The following EIF4B variants were observed in gnomAD, a reference collection of about 807,000 sequenced individuals.
EIF4B encodes the protein eukaryotic translation initiation factor 4B.
A neutral mutation model predicts 79.3 loss-of-function variants in EIF4B; 8 were observed. The ratio of observed to expected loss-of-function variants is 0.10; its 90% CI spans 0.06 to 0.18. The LOEUF (loss-of-function observed/expected upper bound fraction) is 0.18, where lower values mean the gene tolerates loss of function less well. EIF4B is among the 10% of genes least tolerant of loss of function. The pLI is 1.00. For synonymous variants in EIF4B, 238 were observed against 274.7 expected (o/e 0.87, Z 1.32); for missense variants, 515 against 792.4 (o/e 0.65, Z 4.20).
chr12:53,027,961 C>A (rs61927959), intron 7 of EIF4B, 42 bp downstream of exon 7: 1 of 1,499,310 alleles, frequency 6.7e-7, no homozygotes, highest in Admixed American at 2.2e-5. Context: ...AGTAACTTTG[C>A]CTTTTTTTTT....
At chr12:53,013,439 A>G (rs2120893512) in intron 1 of EIF4B, 1 of 152,206 alleles carries the variant, frequency 6.6e-6, no homozygotes, top group East Asian at 1.9e-4. Context: ...CACGCACTGT[A>G]AGTGGTTTAC....
intron 2 of EIF4B, among the ~76,000 whole-genome samples, chr12:53,017,785 G>T (rs1470669554): frequency 6.6e-6 from 1 of 152,184 alleles, no homozygotes; most frequent in Admixed American, 6.5e-5. Context: ...TAGAATCAGG[G>T]TTTTACCATT....
intron 8 of EIF4B, among the ~76,000 whole-genome samples, chr12:53,030,410 A>ATTTTTTTTTTTT (rs1555153412): frequency 5.0e-4 from 17 of 34,186 alleles, no homozygotes; most frequent in Admixed American, 1.0e-3. Context: ...AAAAAATTAT[A>ATTTTTTTTTTTT]TTCTTTTTTT....
chr12:53,030,413 CTTTTTTT>C (rs759061266), intron 8 of EIF4B, among the ~76,000 whole-genome samples: 29 of 43,098 alleles, frequency 6.7e-4, no homozygotes, highest in Admixed American at 2.7e-3. Context: ...AAATTATATT[CTTTTTTT>C]TTTTTTTTTT....
At chr12:53,028,471 T>G (rs1407692432) in intron 8 of EIF4B, among the ~76,000 whole-genome samples, 1 of 147,642 alleles carries the variant, frequency 6.8e-6, no homozygotes, top group Non-Finnish European at 1.5e-5. Context: ...AGAAGAATGG[T>G]GGGAACCCGG....
intron 10 of EIF4B, 52 bp downstream of exon 10, chr12:53,034,761 C>G: frequency 2.5e-6 from 4 of 1,597,268 alleles, no homozygotes; most frequent in Non-Finnish European, 2.6e-6. Context: ...CATAAACTAT[C>G]CATAACCAAA....
intron 2 of EIF4B, among the ~76,000 whole-genome samples, chr12:53,018,101 C>T (rs916086164): frequency 6.6e-6 from 1 of 152,230 alleles, no homozygotes; most frequent in African/African-American, 2.4e-5. Flanking sequence ...ATAGATTGTC[C>T]TGTCTCAGCC....
intron 3 of EIF4B, 144 bp downstream of exon 3, chr12:53,019,150 G>GAGTGCTGGGATTA: frequency 1.9e-6 from 2 of 1,041,606 alleles, no homozygotes; most frequent in Non-Finnish European, 2.7e-6. Flanking sequence ...TGTAATCCCA[G>GAGTGCTGGGATTA]CACTCTGGGA....
intron 14 of EIF4B, chr12:53,039,935 G>A (rs1041833998): frequency 4.2e-6 from 3 of 707,084 alleles, no homozygotes; most frequent in East Asian, 2.7e-5. Context: ...CTTCTGCAAG[G>A]TGTAGAGGTG....
chr12:53,019,348 G>A (rs897638132), intron 3 of EIF4B, among the ~76,000 whole-genome samples: 3 of 150,908 alleles, frequency 2.0e-5, no homozygotes, highest in South Asian at 2.1e-4. Flanking sequence ...GTGGTGAGCC[G>A]AGATTGCGCC....
At chr12:53,014,258 A>C (rs1943112926) in intron 1 of EIF4B, among the ~76,000 whole-genome samples, 1 of 152,054 alleles carries the variant, frequency 6.6e-6, no homozygotes, top group Non-Finnish European at 1.5e-5. Flanking sequence ...AAAAAAAAAA[A>C]AAAATTAGCC....
Position 53,039,622 on chromosome 12 carries a change from C to T in EIF4B, c.1683-8C>T. The T allele has an allele frequency of 6.2e-7, 1 of 1,613,658 alleles. No individual in the cohort carries two copies. Among genetic ancestry groups the T allele is most frequent in the East Asian group, 2.2e-5 (1 of 44,872 alleles). On this transcript the variant is annotated splice_polypyrimidine_tract_variant and splice_region_variant and intron_variant, in intron 13 of 14. Transcript: ENST00000262056. ...TAAAGACATGGTTTTATGCTTACGT[C>T]TCTGCAGGAAAGATGGCAAAAAGGA...
At chr12:53,037,337 A>G in intron 10 of EIF4B, 72 bp from the exon 11 acceptor site, 1 of 1,516,090 alleles carries the variant, frequency 6.6e-7, no homozygotes, top group Admixed American at 2.0e-5. Flanking sequence ...CATTTTCCAC[A>G]CTGTTGAGAT....
chr12:53,039,772 A>C (rs1447559963), intron 14 of EIF4B, 70 bp downstream of exon 14: 1 of 1,490,722 alleles, frequency 6.7e-7, no homozygotes, highest in Admixed American at 2.3e-5. Context: ...TATTCTTACT[A>C]AGAATTAAAA....
At chr12:53,034,850 T>A in intron 10 of EIF4B, 141 bp downstream of exon 10, 3 of 834,710 alleles carry the variant, frequency 3.6e-6, no homozygotes, top group Non-Finnish European at 5.8e-6. Context: ...GAGTTTCATA[T>A]CTTCTGCTCC....
intron 2 of EIF4B, among the ~76,000 whole-genome samples, chr12:53,017,714 C>T (rs1233418864): frequency 1.3e-5 from 2 of 152,124 alleles, no homozygotes; most frequent in African/African-American, 4.8e-5. Flanking sequence ...CTGCCTCAGC[C>T]GCCTGAGTAG....
intron 10 of EIF4B, among the ~76,000 whole-genome samples, chr12:53,035,337 C>T (rs1168827345): frequency 6.6e-6 from 1 of 151,700 alleles, no homozygotes; most frequent in Non-Finnish European, 1.5e-5. Context: ...TGTAGGCATG[C>T]ACCACTACAC....
Position 53,040,487 on chromosome 12 carries a change from C to T in EIF4B, c.*264C>T, listed in dbSNP as rs1433326398. 2.8e-6 allele frequency: 1 copy of T among 357,670 alleles called. No individual in the cohort carries two copies. Among genetic ancestry groups the T allele is most frequent in the East Asian group, 5.5e-5 (1 of 18,220 alleles). The allele number at this position is 357,670 out of a possible 1,614,324, so 22.2% of individuals were successfully genotyped here. A position where few individuals can be genotyped will look rare whatever the true frequency, so the allele number is the denominator to read the frequency against. ...GAAAAGTTGTGGTGCGTTATGTCAC[C>T]ATGCAGTTGCCAGTGTGATTAGTGC... On this transcript the variant is annotated 3_prime_UTR_variant, in exon 15 of 15. Coordinates refer to ENST00000262056, the MANE Select transcript of EIF4B (RefSeq NM_001417.7).
At chr12:53,020,318 G>T (rs1382713097) in intron 4 of EIF4B, among the ~76,000 whole-genome samples, 1 of 152,188 alleles carries the variant, frequency 6.6e-6, no homozygotes, top group South Asian at 2.1e-4. Context: ...TACCCACAGT[G>T]TTGCCTCAAC....
Sources: gnomAD v4.1 joint callset for allele counts (sites outside exome capture counted in the v4.1 genomes callset) on GRCh38, gnomAD v4.1.1 for gene constraint, MANE v1.5 for transcripts, NCBI Gene and HGNC (gene_info 2026-07-23, HGNC 2026-07-21) for gene names.